OPHN1: variants seen among roughly 807,000 people sequenced by gnomAD.
The protein encoded by OPHN1 is oligophrenin 1.
In OPHN1, 11 loss-of-function variants were observed where a neutral mutation model predicts 60.7. The observed-to-expected ratio is 0.18, with a 90% CI of 0.11 to 0.30. The LOEUF (loss-of-function observed/expected upper bound fraction) is 0.30, where lower values mean the gene tolerates loss of function less well. Ranked by LOEUF, OPHN1 falls within the 10% of genes least tolerant of loss-of-function variation. OPHN1 has a pLI of 1.00. For synonymous variants in OPHN1, 226 were observed against 222.6 expected (o/e 1.02, Z -0.14); for missense variants, 449 against 611.0 (o/e 0.73, Z 2.80).
rs904616228 is a variant in OPHN1, at chrX:68,401,002, A to G, written c.154+31865T>C. Among the ~76,000 whole-genome samples, 10 of 111,579 alleles carry G rather than the reference A, an allele frequency of 9.0e-5. No individual in the cohort carries two copies. In the East Asian group the frequency reaches 2.8e-3, roughly 31 times the overall value. ...GGGAAGTGCCACACACTTTTAAAAA[A>G]TCAGCTCTCACAAGAGCTCACTATC... On this transcript the variant is annotated intron_variant, in intron 2 of 24. Transcript: ENST00000355520.
chrX:68,225,908 T>C (rs1483759373), intron 6 of OPHN1, among the ~76,000 whole-genome samples: 6 of 111,967 alleles, frequency 5.4e-5, no homozygotes. Flanking sequence ...AGGCTTCAGA[T>C]GATCGGTAAT....
chrX:68,248,566 T>G (rs903090138), intron 5 of OPHN1, among the ~76,000 whole-genome samples: 1 of 111,782 alleles, frequency 8.9e-6, no homozygotes, highest in East Asian at 2.8e-4. Context: ...TGAACTACTA[T>G]AAGATCCAGC....
chrX:68,073,272 C>T lies in OPHN1; in HGVS notation c.1714G>A (p.Ala572Thr), dbSNP rs1191253744. 1.7e-5 allele frequency: 21 copies of T among 1,208,838 alleles called. No individual in the cohort carries two copies. Among genetic ancestry groups the T allele is most frequent in the African/African-American group, 3.5e-5 (2 of 57,223 alleles). The change falls in exon 20 of 25, where the codon GCT becomes ACT. Residue 572 changes from alanine to threonine, a missense_variant. Around this residue, in one of 4 missense-constraint regions of OPHN1, gnomAD observed 166 missense variants for 278.4 expected, o/e 0.60. Coordinates refer to ENST00000355520, the MANE Select transcript of OPHN1 (RefSeq NM_002547.3). ...KIYLGPPEES[A>T]APPVPPPRVT... ...CGAGGCGGAGGCACTGGCGGTGCAG[C>T]GCTTTCCTCAGGTGGACCTAAATAG... is the stretch of plus-strand genomic sequence containing the variant.
At chrX:68,217,552 G>C (rs1338181131) in intron 6 of OPHN1, among the ~76,000 whole-genome samples, 1 of 109,779 alleles carries the variant, frequency 9.1e-6, no homozygotes, top group African/African-American at 3.3e-5. Flanking sequence ...GAAGAGGGCA[G>C]TGGTTCTCCC....
intron 20 of OPHN1, among the ~76,000 whole-genome samples, chrX:68,064,688 T>C (rs932987718): frequency 8.9e-6 from 1 of 112,292 alleles, no homozygotes; most frequent in Non-Finnish European, 1.9e-5. Flanking sequence ...CCTCTGACAT[T>C]AGTACATGTC....
intron 11 of OPHN1, among the ~76,000 whole-genome samples, chrX:68,198,839 G>A (rs1247687497): frequency 9.0e-6 from 1 of 111,532 alleles, no homozygotes; most frequent in African/African-American, 3.3e-5. Flanking sequence ...TGTTCTACCT[G>A]CTGGAATCAT....
At chrX:68,285,094 C>T (rs1406680064) in intron 3 of OPHN1, among the ~76,000 whole-genome samples, 7 of 111,778 alleles carry the variant, frequency 6.3e-5, no homozygotes, top group Non-Finnish European at 1.1e-4. Context: ...AGTAGTCTCA[C>T]GGTCAGTCTA....
chrX:68,087,458 C>T (rs192480051), intron 19 of OPHN1, among the ~76,000 whole-genome samples: 290 of 111,581 alleles, frequency 2.6e-3, no homozygotes, highest in South Asian at 7.7e-3. Context: ...TAATGAACTG[C>T]TTGCCTGAGT....
At chrX:68,333,089 A>G (rs1159027988) in intron 2 of OPHN1, among the ~76,000 whole-genome samples, 2 of 110,383 alleles carry the variant, frequency 1.8e-5, no homozygotes, top group African/African-American at 6.6e-5. Context: ...CATAGTATAT[A>G]TAACGGTGGC....
intron 5 of OPHN1, among the ~76,000 whole-genome samples, chrX:68,239,169 G>A (rs779517545): frequency 9.0e-6 from 1 of 111,080 alleles, no homozygotes; most frequent in East Asian, 2.9e-4. Flanking sequence ...GACCGCCCTC[G>A]GCTGAACTCA....
intron 6 of OPHN1, among the ~76,000 whole-genome samples, chrX:68,225,311 C>A (rs915329412): frequency 2.7e-5 from 3 of 112,206 alleles, no homozygotes; most frequent in Non-Finnish European, 5.6e-5. Flanking sequence ...CATAGCTGAA[C>A]AAAAGGCAGC....
At chrX:68,411,397 G>A (rs1261588955) in intron 2 of OPHN1, among the ~76,000 whole-genome samples, 1 of 112,237 alleles carries the variant, frequency 8.9e-6, no homozygotes, top group Non-Finnish European at 1.9e-5. Context: ...CACTGTATAA[G>A]TGATCCCTTT....
intron 5 of OPHN1, among the ~76,000 whole-genome samples, chrX:68,244,428 C>T (rs1216320156): frequency 1.8e-5 from 2 of 112,276 alleles, no homozygotes; most frequent in African/African-American, 3.2e-5. Context: ...CACCCTCTGG[C>T]ACACCACTAA....
intron 2 of OPHN1, among the ~76,000 whole-genome samples, chrX:68,331,831 C>T (rs999801657): frequency 1.7e-4 from 18 of 108,853 alleles, no homozygotes; most frequent in Non-Finnish European, 2.7e-4. Context: ...GTCAAGAGAT[C>T]GAGACCAATC....
At chrX:68,378,713 T>C (rs2078575980) in intron 2 of OPHN1, among the ~76,000 whole-genome samples, 1 of 111,734 alleles carries the variant, frequency 8.9e-6, no homozygotes, top group Non-Finnish European at 1.9e-5. Context: ...TGCTTGTTTT[T>C]GTGAGGTTTG....
chrX:68,363,960 A>C (rs1473701860), intron 2 of OPHN1, among the ~76,000 whole-genome samples: 1 of 111,435 alleles, frequency 9.0e-6, no homozygotes, highest in Non-Finnish European at 1.9e-5. Context: ...AATTTTCCAT[A>C]CTAATGTTTT....
Position 68,197,261 on chromosome X carries a change from T to C in OPHN1, c.1029A>G (p.Pro343=), listed in dbSNP as rs1473510512. The change falls in exon 12 of 25, where the codon CCA becomes CCG. Residue 343 remains proline, a synonymous_variant. Coordinates refer to ENST00000355520, the MANE Select transcript of OPHN1 (RefSeq NM_002547.3). ...AAAGGGCCTGCAGAGTGATGGTTCC[T>C]GGCCTGAGGGGGAAAAAAATGGTAA... ...FCFDIETNER[P]GTITLQALSE... The C allele has an allele frequency of 1.7e-6, 2 of 1,205,531 alleles. No homozygotes were observed. Among genetic ancestry groups the C allele is most frequent in the East Asian group, 5.9e-5 (2 of 33,800 alleles).
chrX:68,290,918 T>A (rs2078068093), intron 3 of OPHN1, among the ~76,000 whole-genome samples: 1 of 111,960 alleles, frequency 8.9e-6, no homozygotes, highest in African/African-American at 3.2e-5. Context: ...ACACAGTAGG[T>A]ACTCAGTATA....
intron 2 of OPHN1, among the ~76,000 whole-genome samples, chrX:68,314,140 T>C (rs1319784407): frequency 8.9e-6 from 1 of 112,129 alleles, no homozygotes; most frequent in East Asian, 2.8e-4. Flanking sequence ...AAATTCCTTG[T>C]AACACACAAC....
Sources: gnomAD v4.1 joint callset for allele counts (sites outside exome capture counted in the v4.1 genomes callset) on GRCh38, gnomAD v4.1.1 for gene constraint, gnomAD v4.1.1 regional missense constraint, MANE v1.5 for transcripts, NCBI Gene and HGNC (gene_info 2026-07-23, HGNC 2026-07-21) for gene names.